The following CNTNAP2 variants were observed in gnomAD, a reference collection of about 807,000 sequenced individuals.
The protein encoded by CNTNAP2 is contactin-associated protein-like 2.
A neutral mutation model predicts 155.2 loss-of-function variants in CNTNAP2; 98 were observed. The ratio of observed to expected loss-of-function variants is 0.63; its 90% CI spans 0.54 to 0.75. The LOEUF (loss-of-function observed/expected upper bound fraction) is 0.75. Ranked by LOEUF, CNTNAP2 falls within the 30% of genes least tolerant of loss-of-function variation. The pLI is 0.00. For synonymous variants in CNTNAP2, 651 were observed against 631.2 expected (o/e 1.03, Z -0.47); for missense variants, 1,727 against 1,688.1 (o/e 1.02, Z -0.40).
intron 13 of CNTNAP2, among the ~76,000 whole-genome samples, chr7:147,826,620 T>C (rs1284567390): frequency 6.6e-6 from 1 of 152,206 alleles, no homozygotes; most frequent in South Asian, 2.1e-4. Flanking sequence ...ACCCCAGGTT[T>C]TTTCTAATAT....
At chr7:146,759,239 C>G (rs1490481932) in intron 1 of CNTNAP2, among the ~76,000 whole-genome samples, 1 of 152,090 alleles carries the variant, frequency 6.6e-6, no homozygotes, top group Non-Finnish European at 1.5e-5. Flanking sequence ...CCCCCAGATG[C>G]CCAGAGCATT....
intron 13 of CNTNAP2, among the ~76,000 whole-genome samples, chr7:147,873,194 C>G (rs1799358507): frequency 6.6e-6 from 1 of 152,154 alleles, no homozygotes; most frequent in Admixed American, 6.5e-5. Context: ...CACTAAGGAG[C>G]TCTAACCAGA....
rs1554465666 is a variant in CNTNAP2 at position 146,671,425 on chromosome 7, T to TCACACACACA, written c.98-102843_98-102842insACACACACAC. Among the ~76,000 whole-genome samples, 638 of 67,222 alleles carry TCACACACACA rather than the reference T, an allele frequency of 9.5e-3. 5 individuals are homozygous for TCACACACACA. Among genetic ancestry groups the TCACACACACA allele is most frequent in the African/African-American group, 0.019 (582 of 30,554 alleles). 44.1% of individuals were successfully genotyped at this position (67,222 alleles called of 152,430 possible). On this transcript the variant is annotated intron_variant, in intron 1 of 23. Transcript: ENST00000361727. Reference sequence around the variant, plus strand: ...GTCTCCCTGTTTCTCTCTTTTTTTGTCACTCACACACACACACACACACAC... The same window carrying TCACACACACA: ...GTCTCCCTGTTTCTCTCTTTTTTTGTCACACACACACACTCACACACACACACACACACAC...
intron 15 of CNTNAP2, among the ~76,000 whole-genome samples, chr7:148,023,870 A>G (rs1802328838): frequency 6.6e-6 from 1 of 152,110 alleles, no homozygotes; most frequent in African/African-American, 2.4e-5. Context: ...GATTTTATGA[A>G]TTTTCCTCCC....
At chr7:148,187,938 AC>A (rs1039087402) in intron 18 of CNTNAP2, among the ~76,000 whole-genome samples, 1 of 151,380 alleles carries the variant, frequency 6.6e-6, no homozygotes, top group Non-Finnish European at 1.5e-5. Flanking sequence ...CCCCAACTTC[AC>A]CCCCTACCCA....
intron 13 of CNTNAP2, among the ~76,000 whole-genome samples, chr7:147,796,284 A>G (rs896414349): frequency 6.6e-6 from 1 of 152,220 alleles, no homozygotes. Flanking sequence ...GTACTATAAC[A>G]AAAACACAGG....
chr7:148,024,064 T>C (rs1802331866), intron 15 of CNTNAP2, among the ~76,000 whole-genome samples: 1 of 151,712 alleles, frequency 6.6e-6, no homozygotes, highest in Admixed American at 6.6e-5. Context: ...GTGTTGCCTT[T>C]TTATGCTATA....
intron 18 of CNTNAP2, among the ~76,000 whole-genome samples, chr7:148,214,649 C>A (rs1795606105): frequency 6.6e-6 from 1 of 152,124 alleles, no homozygotes; most frequent in African/African-American, 2.4e-5. Flanking sequence ...CGGCTCAGTA[C>A]AACCTCCGCC....
chr7:147,002,260 T>C (rs1413996536), intron 3 of CNTNAP2, among the ~76,000 whole-genome samples: 1 of 152,074 alleles, frequency 6.6e-6, no homozygotes, highest in Non-Finnish European at 1.5e-5. Context: ...CATGTAATTA[T>C]GAAACTTCAG....
rs544355550 is a variant in CNTNAP2 at position 147,132,687 on chromosome 7, G to C, written c.1348+178G>C. ...TTGAATAAAGAAAACTTGGAAAGTT[G>C]TTGAGAGAGCAAGGCATGGGTGAAG... is the stretch of plus-strand genomic sequence containing the variant. On this transcript the variant is annotated intron_variant, in intron 8 of 23. Transcript: ENST00000361727. Among the ~76,000 whole-genome samples, 8 of 152,230 alleles carry C rather than the reference G, an allele frequency of 5.3e-5. No individual in the cohort carries two copies. The East Asian group carries it at 1.2e-3, about 22-fold the overall frequency.
At chr7:148,409,844 G>A (rs1799789648) in intron 23 of CNTNAP2, among the ~76,000 whole-genome samples, 1 of 94,496 alleles carries the variant, frequency 1.1e-5, no homozygotes, top group African/African-American at 4.7e-5. Flanking sequence ...AAGGTCAGGA[G>A]ATCGAGACCA....
chr7:147,342,819 AC>A (rs1795787238), intron 9 of CNTNAP2, among the ~76,000 whole-genome samples: 3 of 152,332 alleles, frequency 2.0e-5, no homozygotes, highest in Non-Finnish European at 4.4e-5. Context: ...AAATAAAATA[AC>A]TAAGAAAAGG....
chr7:147,981,047 C>T (rs1049523183), intron 15 of CNTNAP2, among the ~76,000 whole-genome samples: 12 of 151,966 alleles, frequency 7.9e-5, no homozygotes, highest in African/African-American at 2.7e-4. Context: ...CCTGGTTACA[C>T]ACAGCCTCCT....
At chr7:146,835,533 C>T (rs1481339804) in intron 2 of CNTNAP2, among the ~76,000 whole-genome samples, 1 of 151,822 alleles carries the variant, frequency 6.6e-6, no homozygotes, top group Non-Finnish European at 1.5e-5. Context: ...TTATGGAATT[C>T]TAGGTAAAAT....
intron 13 of CNTNAP2, among the ~76,000 whole-genome samples, chr7:147,870,676 G>C (rs541609175): frequency 6.6e-6 from 1 of 152,268 alleles, no homozygotes; most frequent in South Asian, 2.1e-4. Context: ...TAAATTCTTT[G>C]CATTTTTTTA....
intron 15 of CNTNAP2, among the ~76,000 whole-genome samples, chr7:148,109,600 T>C (rs1055061662): frequency 4.6e-5 from 7 of 152,204 alleles, no homozygotes; most frequent in African/African-American, 1.7e-4. Flanking sequence ...GTCAGGCTGG[T>C]TTCAAACTCC....
chr7:148,109,388 G>GTTTTGTTTTT (rs1432300494), intron 15 of CNTNAP2, among the ~76,000 whole-genome samples: 1 of 151,060 alleles, frequency 6.6e-6, no homozygotes, highest in African/African-American at 2.4e-5. Context: ...GTTTTGTTTT[G>GTTTTGTTTTT]TTTTGTTTTG....
intron 1 of CNTNAP2, among the ~76,000 whole-genome samples, chr7:146,519,095 A>G (rs539378383): frequency 4.3e-4 from 65 of 152,026 alleles, no homozygotes; most frequent in Middle Eastern, 3.4e-3. Context: ...GTGTTCCTTC[A>G]GGAAAATGAC....
At chr7:147,784,144 A>G (rs1013356344) in intron 13 of CNTNAP2, among the ~76,000 whole-genome samples, 1 of 151,810 alleles carries the variant, frequency 6.6e-6, no homozygotes, top group African/African-American at 2.4e-5. Context: ...TTTTATAAGG[A>G]CAGCAGCCAT....
Sources: gnomAD v4.1 joint callset for allele counts (sites outside exome capture counted in the v4.1 genomes callset) on GRCh38, gnomAD v4.1.1 for gene constraint, MANE v1.5 for transcripts, NCBI Gene and HGNC (gene_info 2026-07-23, HGNC 2026-07-21) for gene names.